Variants in GFRA2 observed in about 807,000 individuals in gnomAD.
GFRA2 encodes the protein GDNF family receptor alpha 2, also known as GDNF family receptor alpha-2.
A neutral mutation model predicts 48.3 loss-of-function variants in GFRA2; 17 were observed. The observed-to-expected ratio is 0.35, with a 90% CI of 0.24 to 0.53. GFRA2 has a LOEUF of 0.53. Among genes scored for constraint, GFRA2 ranks in the 20% least tolerant of loss-of-function variants. The pLI, the probability that GFRA2 is intolerant of heterozygous loss-of-function variation, is 0.93. For synonymous variants in GFRA2, 305 were observed against 257.2 expected (o/e 1.19, Z -1.78); for missense variants, 660 against 637.3 (o/e 1.04, Z -0.38).
At chr8:21,709,564 A>G (rs1208563899) in intron 4 of GFRA2, among the ~76,000 whole-genome samples, 2 of 152,222 alleles carry the variant, frequency 1.3e-5, no homozygotes, top group East Asian at 1.9e-4. Context: ...ATCAGAAAGG[A>G]AACTCCAGCT....
intron 3 of GFRA2, among the ~76,000 whole-genome samples, chr8:21,771,879 G>A (rs1272694553): frequency 1.3e-5 from 2 of 152,132 alleles, no homozygotes; most frequent in African/African-American, 4.8e-5. Flanking sequence ...TGAGTTGGGT[G>A]GGGAGGGGCT....
intron 4 of GFRA2, among the ~76,000 whole-genome samples, chr8:21,711,483 T>C (rs1803020307): frequency 6.6e-6 from 1 of 152,132 alleles, no homozygotes; most frequent in Admixed American, 6.5e-5. Flanking sequence ...CGTGTTTCCT[T>C]GGCAGCTGTA....
At chr8:21,713,633 T>C (rs1052713210) in intron 4 of GFRA2, among the ~76,000 whole-genome samples, 11 of 152,140 alleles carry the variant, frequency 7.2e-5, no homozygotes, top group African/African-American at 2.6e-4. Flanking sequence ...AGGTCACTGG[T>C]TCTCAAAGTG....
chr8:21,771,978 T>C (rs1806458596), intron 3 of GFRA2, among the ~76,000 whole-genome samples: 1 of 152,106 alleles, frequency 6.6e-6, no homozygotes, highest in African/African-American at 2.4e-5. Context: ...CAACAAGACT[T>C]TGCAGCCAGC....
At chr8:21,706,099 G>C in intron 4 of GFRA2, 58 bp from the exon 5 acceptor site, 1 of 1,106,420 alleles carries the variant, frequency 9.0e-7, no homozygotes, top group Non-Finnish European at 1.3e-6. Context: ...GCTGCCTTCT[G>C]TCTCCTCTGT....
At position 21,731,479 on chromosome 8, in the gene GFRA2, A is replaced by AT. The variant is rs538725732; in HGVS notation, c.794+19108dup. ...CTCTTTTCCAAAGTCATCTTAAAAT[A>AT]TTTTTTTTTTAATCTAAAAGGGCTC... On this transcript the variant is annotated intron_variant, in intron 4 of 8. Transcript: ENST00000524240. 6.2e-3 allele frequency among the ~76,000 whole-genome samples: 930 copies of AT among 150,312 alleles called. 6 individuals carry two copies. The highest frequency in any genetic ancestry group is 7.5e-3 in the African/African-American group (307 of 40,944).
At chr8:21,725,861 C>T (rs557870706) in intron 4 of GFRA2, among the ~76,000 whole-genome samples, 23 of 152,298 alleles carry the variant, frequency 1.5e-4, no homozygotes, top group African/African-American at 5.3e-4. Flanking sequence ...CAGCATCACC[C>T]GCTGGGGTTG....
At chr8:21,808,296 A>G (rs989675831) in intron 1 of GFRA2, among the ~76,000 whole-genome samples, 1 of 152,128 alleles carries the variant, frequency 6.6e-6, no homozygotes, top group Non-Finnish European at 1.5e-5. Flanking sequence ...TGGCTCTGTT[A>G]TTTTTGAAAT....
At chr8:21,710,336 C>T (rs944187098) in intron 4 of GFRA2, among the ~76,000 whole-genome samples, 6 of 152,224 alleles carry the variant, frequency 3.9e-5, no homozygotes, top group African/African-American at 7.2e-5. Context: ...CTCTGCCTAG[C>T]GCTGTGCCTG....
intron 1 of GFRA2, chr8:21,812,173 A>G (rs923824157): frequency 6.6e-6 from 1 of 152,280 alleles, no homozygotes; most frequent in African/African-American, 2.4e-5. Flanking sequence ...GTCCTGGGAC[A>G]GAAATGGCCC....
At chr8:21,712,972 G>C (rs895338184) in intron 4 of GFRA2, among the ~76,000 whole-genome samples, 5 of 151,634 alleles carry the variant, frequency 3.3e-5, no homozygotes, top group African/African-American at 4.8e-5. Flanking sequence ...GTCCAGCTTC[G>C]GCTCGGCATC....
At chr8:21,784,799 T>C (rs1347752242) in intron 1 of GFRA2, among the ~76,000 whole-genome samples, 3 of 152,144 alleles carry the variant, frequency 2.0e-5, no homozygotes. Flanking sequence ...AGACCGGAGT[T>C]TGAGGCCCGG....
At chr8:21,705,304 C>T (rs2117368954) in intron 5 of GFRA2, among the ~76,000 whole-genome samples, 179 bp from the exon 6 acceptor site, 1 of 152,226 alleles carries the variant, frequency 6.6e-6, no homozygotes, top group Middle Eastern at 3.4e-3. Context: ...TCCCAGGGAC[C>T]ATGTTCAGCA....
intron 1 of GFRA2, among the ~76,000 whole-genome samples, chr8:21,806,822 A>G (rs1807877648): frequency 6.6e-6 from 1 of 152,228 alleles, no homozygotes; most frequent in Non-Finnish European, 1.5e-5. Context: ...ATTGGGAAAT[A>G]ACTCCACTGT....
upstream of GFRA2, among the ~76,000 whole-genome samples, chr8:21,791,853 C>A (rs1269516910): frequency 2.0e-5 from 3 of 152,196 alleles, no homozygotes; most frequent in Non-Finnish European, 2.9e-5. Context: ...TCAAGGGCAA[C>A]AGAGACTATT....
chr8:21,787,261 G>A (rs1807320660), intron 1 of GFRA2, among the ~76,000 whole-genome samples: 2 of 91,926 alleles, frequency 2.2e-5, no homozygotes, highest in South Asian at 7.1e-4. Context: ...TCTTGGAGGC[G>A]GCGGGGGGGG....
intron 3 of GFRA2, among the ~76,000 whole-genome samples, chr8:21,769,938 C>A (rs1806366652): frequency 6.6e-6 from 1 of 152,196 alleles, no homozygotes; most frequent in Non-Finnish European, 1.5e-5. Flanking sequence ...TCTCCAGGCT[C>A]CAACCAAGCA....
At chr8:21,771,800 C>G (rs7844584) in intron 3 of GFRA2, among the ~76,000 whole-genome samples, 16,108 of 152,050 alleles carry the variant, frequency 0.11, 1,816 homozygotes, top group African/African-American at 0.28. Context: ...GCCACCAAGA[C>G]TCCATGCCTC....
At chr8:21,805,598 G>A (rs1027444685) in intron 1 of GFRA2, among the ~76,000 whole-genome samples, 2 of 152,074 alleles carry the variant, frequency 1.3e-5, no homozygotes, top group East Asian at 1.9e-4. Context: ...CATTAATAGG[G>A]TCTGGTTACC....
Sources: gnomAD v4.1 joint callset for allele counts (sites outside exome capture counted in the v4.1 genomes callset) on GRCh38, gnomAD v4.1.1 for gene constraint, MANE v1.5 for transcripts, NCBI Gene and HGNC (gene_info 2026-07-23, HGNC 2026-07-21) for gene names.